LYPLAL1: variants seen among roughly 807,000 people sequenced by gnomAD.
LYPLAL1 encodes lysophospholipase like 1.
A neutral mutation model predicts 19.7 loss-of-function variants in LYPLAL1; 23 were observed. That is an observed-to-expected ratio of 1.17 (90% CI 0.84 to 1.65). The LOEUF (loss-of-function observed/expected upper bound fraction) is 1.65. Ranked by LOEUF, LYPLAL1 falls within the 40% of genes most tolerant of loss-of-function variation. The pLI is 0.00. For missense variants in LYPLAL1, 355 were observed against 279.4 expected (o/e 1.27, Z -1.93); for synonymous variants, 119 against 96.3 (o/e 1.24, Z -1.38).
At chr1:219,419,594 C>CACAGAGAGAG in the LYPLAL1 span, among the ~76,000 whole-genome samples, 3,620 of 99,506 alleles carry the variant, frequency 0.036, 102 homozygotes, top group Non-Finnish European at 0.049. Flanking sequence ...CACACACACA[C>CACAGAGAGAG]AGAGAGAGAG....
the LYPLAL1 span, among the ~76,000 whole-genome samples, chr1:219,391,705 A>G: frequency 3.7e-4 from 57 of 152,134 alleles, 1 homozygote; most frequent in Admixed American, 3.3e-3. Flanking sequence ...CAAGCTATAT[A>G]TTTTTAAAGC....
chr1:219,373,887 A>AC, the LYPLAL1 span, among the ~76,000 whole-genome samples: 3 of 150,582 alleles, frequency 2.0e-5, no homozygotes, highest in South Asian at 4.2e-4. Flanking sequence ...AAAAACAAAA[A>AC]AAAAAACACA....
chr1:219,239,443 A>G, the LYPLAL1 span, among the ~76,000 whole-genome samples: 1 of 152,208 alleles, frequency 6.6e-6, no homozygotes. Flanking sequence ...AAGACCAGAA[A>G]TATGAAGATA....
chr1:219,307,107 A>G, the LYPLAL1 span, among the ~76,000 whole-genome samples: 1 of 151,742 alleles, frequency 6.6e-6, no homozygotes, highest in Admixed American at 6.6e-5. Context: ...TGACTTTGAA[A>G]GTAACTTTAA....
chr1:219,209,156 A>G (rs530683788), intron 3 of LYPLAL1, among the ~76,000 whole-genome samples: 79 of 152,238 alleles, frequency 5.2e-4, no homozygotes, highest in African/African-American at 1.8e-3. Flanking sequence ...GCTCTTGTCC[A>G]TGGTGGGCTA....
At chr1:219,418,049 G>T in the LYPLAL1 span, among the ~76,000 whole-genome samples, 1 of 152,160 alleles carries the variant, frequency 6.6e-6, no homozygotes, top group Non-Finnish European at 1.5e-5. Flanking sequence ...AGTAGGACCT[G>T]ATTTCATCAG....
At chr1:219,434,243 T>C in the LYPLAL1 span, among the ~76,000 whole-genome samples, 84 of 152,346 alleles carry the variant, frequency 5.5e-4, no homozygotes, top group African/African-American at 2.0e-3. Flanking sequence ...GTTTACATTC[T>C]GAAATAAATG....
At chr1:219,417,159 A>G in the LYPLAL1 span, among the ~76,000 whole-genome samples, 3 of 152,158 alleles carry the variant, frequency 2.0e-5, no homozygotes, top group Non-Finnish European at 4.4e-5. Context: ...GAGTGAAGTT[A>G]TTCTCTACTC....
chr1:219,289,217 A>G, the LYPLAL1 span, among the ~76,000 whole-genome samples: 1 of 152,078 alleles, frequency 6.6e-6, no homozygotes, highest in Non-Finnish European at 1.5e-5. Context: ...GTATCAGAGT[A>G]CATGCTATGC....
the LYPLAL1 span, among the ~76,000 whole-genome samples, chr1:219,382,042 G>A: frequency 4.3e-3 from 648 of 152,298 alleles, 1 homozygote; most frequent in Non-Finnish European, 6.2e-3. Flanking sequence ...TTTCCTTTCT[G>A]ACAAGAATAC....
chr1:219,227,626 GTGTT>G, the LYPLAL1 span, among the ~76,000 whole-genome samples: 1 of 152,056 alleles, frequency 6.6e-6, no homozygotes, highest in Admixed American at 6.5e-5. Context: ...AGCCACAGGA[GTGTT>G]TTTAGATTGC....
chr1:219,307,639 C>A, the LYPLAL1 span, among the ~76,000 whole-genome samples: 2 of 152,244 alleles, frequency 1.3e-5, no homozygotes, highest in Middle Eastern at 6.8e-3. Flanking sequence ...TATGGTTTGG[C>A]TCTGTGTCCC....
chr1:219,220,337 T>C, the LYPLAL1 span, among the ~76,000 whole-genome samples: 6 of 151,954 alleles, frequency 3.9e-5, no homozygotes, highest in East Asian at 1.2e-3. Flanking sequence ...CAGAATTAAG[T>C]TTAAATATCC....
intron 3 of LYPLAL1, among the ~76,000 whole-genome samples, chr1:219,199,442 C>T (rs1033825115): frequency 4.2e-5 from 6 of 144,050 alleles, no homozygotes; most frequent in African/African-American, 1.5e-4. Context: ...TAATACTGAT[C>T]TTTTTTTTTT....
the LYPLAL1 span, among the ~76,000 whole-genome samples, chr1:219,228,384 G>GA: frequency 4.0e-5 from 6 of 151,094 alleles, no homozygotes; most frequent in South Asian, 6.3e-4. Flanking sequence ...CTAAAAGAAA[G>GA]AAAAAAAAAG....
At chr1:219,372,779 C>T in the LYPLAL1 span, among the ~76,000 whole-genome samples, 2 of 151,990 alleles carry the variant, frequency 1.3e-5, no homozygotes, top group African/African-American at 2.4e-5. Flanking sequence ...TGATATGCCC[C>T]TATAATCCCA....
chr1:219,299,557 G>T, the LYPLAL1 span, among the ~76,000 whole-genome samples: 2 of 152,100 alleles, frequency 1.3e-5, no homozygotes, highest in East Asian at 1.9e-4. Context: ...GATGGGGAAA[G>T]TTCAAATCAG....
the LYPLAL1 span, among the ~76,000 whole-genome samples, chr1:219,248,333 C>T: frequency 2.0e-5 from 3 of 152,092 alleles, no homozygotes; most frequent in South Asian, 2.1e-4. Context: ...GGATGTTTGC[C>T]ACACCTGGCT....
intron 1 of LYPLAL1, among the ~76,000 whole-genome samples, chr1:219,174,458 C>G (rs1390227235): frequency 6.6e-6 from 1 of 152,188 alleles, no homozygotes; most frequent in Non-Finnish European, 1.5e-5. Flanking sequence ...TACAGATTAT[C>G]TCTTTTCTGT....
Sources: gnomAD v4.1 joint callset for allele counts (sites outside exome capture counted in the v4.1 genomes callset) on GRCh38, gnomAD v4.1.1 for gene constraint, MANE v1.5 for transcripts, NCBI Gene and HGNC (gene_info 2026-07-23, HGNC 2026-07-21) for gene names.